PDE1C: variants seen among roughly 807,000 people sequenced by gnomAD.
PDE1C encodes phosphodiesterase 1C.
A neutral mutation model predicts 93.1 loss-of-function variants in PDE1C; 62 were observed. The observed-to-expected ratio is 0.67, with a 90% confidence interval of 0.54 to 0.82. PDE1C has a LOEUF of 0.82. PDE1C is among the 40% of genes least tolerant of loss of function. The pLI is 0.00. For synonymous variants in PDE1C, 325 were observed against 310.1 expected (o/e 1.05, Z -0.50); for missense variants, 742 against 884.6 (o/e 0.84, Z 2.04).
At chr7:32,001,875 C>G (rs536565934) in intron 2 of PDE1C, among the ~76,000 whole-genome samples, 54 of 152,258 alleles carry the variant, frequency 3.5e-4, no homozygotes, top group African/African-American at 1.3e-3. Flanking sequence ...GTCTGGCCAA[C>G]ACAGCAAAAC....
chr7:31,832,995 C>A (rs1790611864), intron 11 of PDE1C, among the ~76,000 whole-genome samples: 1 of 152,298 alleles, frequency 6.6e-6, no homozygotes, highest in East Asian at 1.9e-4. Flanking sequence ...TCTCCCACCC[C>A]AAATCTCATC....
At chr7:32,093,908 G>A (rs1797611851) in intron 3 of PDE1C, among the ~76,000 whole-genome samples, 1 of 152,170 alleles carries the variant, frequency 6.6e-6, no homozygotes, top group East Asian at 1.9e-4. Flanking sequence ...CAGGAGCACA[G>A]GAAGGAACAA....
At chr7:31,962,425 A>G (rs1400885370) in intron 2 of PDE1C, among the ~76,000 whole-genome samples, 2 of 152,232 alleles carry the variant, frequency 1.3e-5, no homozygotes, top group Non-Finnish European at 2.9e-5. Flanking sequence ...TCTGCAATGA[A>G]CATGCTTATG....
intron 2 of PDE1C, among the ~76,000 whole-genome samples, chr7:31,881,614 G>T (rs1797257067): frequency 6.6e-6 from 1 of 152,142 alleles, no homozygotes; most frequent in Admixed American, 6.5e-5. Context: ...CAGAGATTTG[G>T]AGATTGGGCA....
At chr7:31,843,536 C>T (rs1367562161) in intron 9 of PDE1C, among the ~76,000 whole-genome samples, 2 of 151,820 alleles carry the variant, frequency 1.3e-5, no homozygotes, top group South Asian at 2.1e-4. Flanking sequence ...CTGTTTGGTA[C>T]ATCTTACATA....
intron 3 of PDE1C, among the ~76,000 whole-genome samples, chr7:32,167,280 A>G (rs936315242): frequency 3.3e-5 from 5 of 152,204 alleles, no homozygotes; most frequent in African/African-American, 1.2e-4. Context: ...TAGCTTGTAT[A>G]TATTTGCCTC....
intron 2 of PDE1C, among the ~76,000 whole-genome samples, chr7:32,207,355 C>CA (rs568631714): frequency 0.047 from 5,167 of 109,776 alleles, 227 homozygotes; most frequent in African/African-American, 0.14. Flanking sequence ...CTTCCAGTCT[C>CA]AAAAAAAAAA....
the PDE1C span, among the ~76,000 whole-genome samples, chr7:31,634,611 A>G: frequency 6.6e-6 from 1 of 152,176 alleles, no homozygotes; most frequent in Non-Finnish European, 1.5e-5. Context: ...ACTAGATTTC[A>G]ATAGCATCCA....
Position 31,823,169 on chromosome 7 carries a change from T to G in PDE1C, c.1486A>C (p.Asn496His). 6.2e-7 allele frequency: 1 copy of G among 1,613,408 alleles called. No individual in the cohort carries two copies. Among genetic ancestry groups the G allele is most frequent in the South Asian group, 1.1e-5 (1 of 91,032 alleles). Reference sequence around the variant, plus strand: ...TTATAGTCAACGGAGATGACAGAATTGTTGATCGGGGCACTTCCCTCTGAA... The same window carrying G: ...TTATAGTCAACGGAGATGACAGAATGGTTGATCGGGGCACTTCCCTCTGAA... Reference protein sequence around the residue: ...SGSEGSAPINNSVISVDYKSF... With the variant: ...SGSEGSAPINHSVISVDYKSF... The change falls in exon 14 of 18, where the codon AAT becomes CAT. Residue 496 changes from asparagine (N) to histidine (H), a missense_variant. Physicochemically the swap from Asn to His is moderately conservative, Grantham distance 68. This residue lies in a region of PDE1C where 454 missense variants were observed against 459.4 expected (regional missense o/e 0.99). Coordinates refer to ENST00000396191, the MANE Select transcript of PDE1C (RefSeq NM_001191057.4).
the PDE1C span, among the ~76,000 whole-genome samples, chr7:31,634,467 T>C: frequency 6.6e-6 from 1 of 152,180 alleles, no homozygotes; most frequent in Non-Finnish European, 1.5e-5. Flanking sequence ...TATTCATTAC[T>C]TTCCCTATGA....
At chr7:31,932,616 G>A (rs1398286056) in intron 2 of PDE1C, among the ~76,000 whole-genome samples, 2 of 152,142 alleles carry the variant, frequency 1.3e-5, no homozygotes, top group Non-Finnish European at 2.9e-5. Flanking sequence ...TACTGTTGGT[G>A]GGAATGTAAA....
At chr7:31,711,196 A>G in the PDE1C span, among the ~76,000 whole-genome samples, 1 of 152,228 alleles carries the variant, frequency 6.6e-6, no homozygotes, top group Admixed American at 6.5e-5. Context: ...AGAGTATAAT[A>G]CAGATCCTCG....
intron 3 of PDE1C, among the ~76,000 whole-genome samples, chr7:32,090,627 T>TTGGATCAAGGA (rs1272572254): frequency 6.6e-6 from 1 of 152,186 alleles, no homozygotes. Context: ...ACCCCACGGT[T>TTGGATCAAGGA]TGGATCAAGG....
chr7:32,291,059 C>G (rs1453438332), intron 1 of PDE1C, among the ~76,000 whole-genome samples: 1 of 152,120 alleles, frequency 6.6e-6, no homozygotes, highest in Non-Finnish European at 1.5e-5. Flanking sequence ...GTACCAGGTG[C>G]TATTCTGAGT....
chr7:32,024,255 A>T (rs1283360364), intron 2 of PDE1C, among the ~76,000 whole-genome samples: 3 of 152,016 alleles, frequency 2.0e-5, no homozygotes, highest in African/African-American at 7.2e-5. Context: ...TCTAAAATTG[A>T]TGAAAACCTG....
chr7:32,223,009 A>C (rs1806988413), intron 1 of PDE1C, among the ~76,000 whole-genome samples: 2 of 151,386 alleles, frequency 1.3e-5, no homozygotes, highest in Non-Finnish European at 2.9e-5. Flanking sequence ...AACTCCTACC[A>C]CTCCTTCCAG....
chr7:31,967,470 A>T (rs1411860241), intron 2 of PDE1C, among the ~76,000 whole-genome samples: 1 of 152,262 alleles, frequency 6.6e-6, no homozygotes, highest in Non-Finnish European at 1.5e-5. Context: ...AATAATTAAT[A>T]GCTCACCAAC....
intron 1 of PDE1C, among the ~76,000 whole-genome samples, chr7:32,289,321 G>T (rs1390552134): frequency 6.6e-6 from 1 of 152,156 alleles, no homozygotes; most frequent in Non-Finnish European, 1.5e-5. Flanking sequence ...GAGGCAGGGG[G>T]ATCGCTTGAG....
chr7:32,082,168 G>A lies in PDE1C; in HGVS notation c.308+87617C>T, dbSNP rs566886698. ...CGGGTCACTCCCACCCTAATAATGCGCTTTTCCGACGGGCTTAAAAAACGG... is the reference window on the plus strand; with the variant it reads ...CGGGTCACTCCCACCCTAATAATGCACTTTTCCGACGGGCTTAAAAAACGG... On this transcript the variant is annotated intron_variant, in intron 3 of 18. Transcript: ENST00000396193. Among the ~76,000 whole-genome samples, 50 of 150,762 alleles carry A rather than the reference G, an allele frequency of 3.3e-4. No individual in the cohort carries two copies. The South Asian group carries it at 4.6e-3, about 14-fold the overall frequency.
Sources: gnomAD v4.1 joint callset for allele counts (sites outside exome capture counted in the v4.1 genomes callset) on GRCh38, gnomAD v4.1.1 for gene constraint, gnomAD v4.1.1 regional missense constraint, MANE v1.5 for transcripts, NCBI Gene and HGNC (gene_info 2026-07-23, HGNC 2026-07-21) for gene names.